Variants in CRYBG3 observed in about 807,000 individuals in gnomAD.
CRYBG3 encodes the protein crystallin beta-gamma domain containing 3.
Under a neutral mutation model 244.2 loss-of-function variants are expected in CRYBG3, and 127 were observed. That is an observed-to-expected ratio of 0.52 (90% CI 0.45 to 0.60). The LOEUF (loss-of-function observed/expected upper bound fraction) is 0.60, where lower values mean the gene tolerates loss of function less well. Among genes scored for constraint, CRYBG3 ranks in the 20% least tolerant of loss-of-function variants. CRYBG3 has a pLI of 0.00. For synonymous variants in CRYBG3, 1,132 were observed against 1,195.8 expected (o/e 0.95, Z 1.10); for missense variants, 3,325 against 3,442.5 (o/e 0.97, Z 0.85).
Position 97,872,952 on chromosome 3 carries a change from A to G in CRYBG3, c.1758A>G (p.Lys586=), listed in dbSNP as rs962321979. The part of the protein sequence containing the change: ...DKIPHIRMNK[K]DLASLNYISE... ...TTCCTCATATTAGAATGAATAAAAA[A>G]GACCTGGCCTCTTTAAATTACATCA... The change falls in exon 4 of 22, where the codon AAA becomes AAG. Residue 586 remains lysine (K), a synonymous_variant. Transcript: ENST00000389622. 23 of 1,530,910 alleles carry G rather than the reference A, an allele frequency of 1.5e-5. No individual in the cohort carries two copies. In the African/African-American group the frequency reaches 2.5e-4, roughly 16 times the overall value. 94.8% of individuals were successfully genotyped at this position (1,530,910 alleles called of 1,614,324 possible).
chr3:97,835,292 AG>A (rs1482205939), intron 1 of CRYBG3, among the ~76,000 whole-genome samples: 5 of 152,048 alleles, frequency 3.3e-5, no homozygotes, highest in African/African-American at 1.2e-4. Context: ...TATGCTTTGA[AG>A]TAAAAATAAA....
At chr3:97,824,772 T>C (rs2038556896) in intron 1 of CRYBG3, among the ~76,000 whole-genome samples, 1 of 152,176 alleles carries the variant, frequency 6.6e-6, no homozygotes, top group East Asian at 1.9e-4. Flanking sequence ...GAAATGCTTA[T>C]ATTAATTTAT....
rs376636714 is a variant in CRYBG3 at position 97,881,032 on chromosome 3, A to C, written c.7005-40A>C. 5 of 1,491,056 alleles carry C rather than the reference A, an allele frequency of 3.4e-6. No individual in the cohort carries two copies. The African/African-American group carries it at 7.1e-5, about 21-fold the overall frequency. The allele number at this position is 1,491,056 out of a possible 1,614,324, so 92.4% of individuals were successfully genotyped here. On this transcript the variant is annotated intron_variant, in intron 6 of 21. Coordinates refer to ENST00000389622, the MANE Select transcript of CRYBG3 (RefSeq NM_153605.4). ...TGACTTATATGCCTTATTTCTTAGA[A>C]AATTAAATATAACTCATCATTGCAT...
At chr3:97,936,755 A>G (rs1270500136) in intron 18 of CRYBG3, 30 bp from the exon 19 acceptor site, 5 of 1,606,090 alleles carry the variant, frequency 3.1e-6, no homozygotes, top group Non-Finnish European at 3.4e-6. Flanking sequence ...GTTTTGAAGT[A>G]CACTACTTTT....
At chr3:97,893,920 A>T (rs2039610160) in intron 11 of CRYBG3, among the ~76,000 whole-genome samples, 1 of 152,218 alleles carries the variant, frequency 6.6e-6, no homozygotes, top group South Asian at 2.1e-4. Flanking sequence ...TAATAGCCAT[A>T]CTAGTCACAA....
Position 97,880,022 on chromosome 3 carries a change from A to G in CRYBG3, c.6926A>G (p.Gln2309Arg), listed in dbSNP as rs2039426345. ...IYDLHESTYK[Q>R]EVYCNIPDAT... ...GATCTCCATGAAAGTACATATAAAC[A>G]AGAAGTCTACTGTAATATTCCTGAT... The change falls in exon 6 of 22, where the codon CAA becomes CGA. Residue 2309 changes from glutamine to arginine, a missense_variant. Around this residue, in one of 4 missense-constraint regions of CRYBG3, gnomAD observed 714 missense variants for 803.6 expected, o/e 0.89. Transcript: ENST00000389622. 6.3e-7 allele frequency: 1 copy of G among 1,597,876 alleles called. No homozygotes were observed. The highest frequency in any genetic ancestry group is 1.7e-5 in the Admixed American group (1 of 59,378).
In CRYBG3 at chr3:97,873,807, T is replaced by C; in HGVS notation, c.2613T>C (p.Ile871=). ...LKITHVPEKP[I]LSELTFLEVE... is the part of the protein sequence containing the mutation. ...TTACCCATGTTCCAGAAAAGCCTAT[T>C]TTGTCAGAATTAACCTTTCTAGAAG... The change falls in exon 4 of 22, where the codon ATT becomes ATC. Residue 871 remains isoleucine, a synonymous_variant. Transcript: ENST00000389622. 6.5e-7 allele frequency: 1 copy of C among 1,532,908 alleles called. No homozygotes were observed. Among genetic ancestry groups the C allele is most frequent in the Non-Finnish European group, 8.7e-7 (1 of 1,145,974 alleles). The allele number at this position is 1,532,908 out of a possible 1,614,324, so 95.0% of individuals were successfully genotyped here. A position where few individuals can be genotyped will look rare whatever the true frequency, so the allele number is the denominator to read the frequency against.
At chr3:97,834,625 G>A (rs2038705193) in intron 1 of CRYBG3, among the ~76,000 whole-genome samples, 1 of 152,106 alleles carries the variant, frequency 6.6e-6, no homozygotes, top group African/African-American at 2.4e-5. Context: ...AGCATTCACA[G>A]GATGGAAGGA....
intron 1 of CRYBG3, among the ~76,000 whole-genome samples, 184 bp downstream of exon 1, chr3:97,822,539 G>C (rs1576502438): frequency 6.6e-6 from 1 of 152,182 alleles, no homozygotes; most frequent in Non-Finnish European, 1.5e-5. Context: ...CGCACTACTC[G>C]CCTCTCCTCT....
At chr3:97,822,422 G>A in intron 1 of CRYBG3, 67 bp downstream of exon 1, 2 of 1,355,848 alleles carry the variant, frequency 1.5e-6, no homozygotes, top group Non-Finnish European at 1.9e-6. Flanking sequence ...CTCCCGGCCT[G>A]ACCGCCGGCA....
intron 1 of CRYBG3, among the ~76,000 whole-genome samples, chr3:97,826,452 G>A (rs1477308376): frequency 1.3e-5 from 2 of 152,142 alleles, no homozygotes; most frequent in African/African-American, 4.8e-5. Context: ...AAGGGTAATA[G>A]CAAGTTTTGT....
intron 6 of CRYBG3, 133 bp from the exon 7 acceptor site, chr3:97,880,939 A>G: frequency 1.7e-6 from 1 of 587,278 alleles, no homozygotes; most frequent in South Asian, 3.9e-5. Flanking sequence ...TTGTTTCAAA[A>G]AATAGGGTTA....
At chr3:97,880,921 A>G (rs1014145438) in intron 6 of CRYBG3, 151 bp from the exon 7 acceptor site, 15 of 532,778 alleles carry the variant, frequency 2.8e-5, no homozygotes, top group South Asian at 3.9e-5. Context: ...TTAAATTAGC[A>G]TATATCATTG....
Position 97,880,063 on chromosome 3 carries a change from T to C in CRYBG3, c.6967T>C (p.Phe2323Leu). 6.3e-7 allele frequency: 1 copy of C among 1,598,778 alleles called. No homozygotes were observed. Among genetic ancestry groups the C allele is most frequent in the East Asian group, 2.2e-5 (1 of 44,508 alleles). Residue 2323 changes from phenylalanine (F) to leucine (L), a missense_variant, in exon 6 of 22, where the codon TTT (phenylalanine) becomes CTT (leucine). By Grantham distance (22) the Phe-to-Leu change is conservative. Transcript: ENST00000389622. ...CNIPDATSWS[F>L]PNGVLIKVVR... is the part of the protein sequence containing the mutation. ...TATTCCTGATGCTACATCATGGTCT[T>C]TTCCAAATGGAGTTCTAATAAAAGT...
Position 97,943,576 on chromosome 3 carries a change from C to G in CRYBG3, c.*262C>G. On this transcript the variant is annotated 3_prime_UTR_variant, in exon 22 of 22. Coordinates refer to ENST00000389622, the MANE Select transcript of CRYBG3 (RefSeq NM_153605.4). ...ATTCCTGATCTCCAGCTGTGGTGAGCAAGTTTCCTGAAGTGTTTATTTTCT... is the reference window on the plus strand; with the variant it reads ...ATTCCTGATCTCCAGCTGTGGTGAGGAAGTTTCCTGAAGTGTTTATTTTCT... The G allele has an allele frequency of 2.5e-6, 1 of 400,798 alleles. No homozygotes were observed. The highest frequency in any genetic ancestry group is 5.7e-5 in the East Asian group (1 of 17,610). 24.8% of individuals were successfully genotyped at this position (400,798 alleles called of 1,614,324 possible).
chr3:97,888,651 T>G (rs1482341537), intron 9 of CRYBG3, among the ~76,000 whole-genome samples, 196 bp downstream of exon 9: 1 of 152,222 alleles, frequency 6.6e-6, no homozygotes, highest in Non-Finnish European at 1.5e-5. Context: ...AGTGGCAGAC[T>G]GTTCAATTAA....
chr3:97,847,656 A>T (rs1485188371), intron 2 of CRYBG3, among the ~76,000 whole-genome samples: 1 of 152,212 alleles, frequency 6.6e-6, no homozygotes, highest in Non-Finnish European at 1.5e-5. Context: ...CAGGTTATAG[A>T]TTCTCCAACC....
chr3:97,938,406 C>T (rs1339923687), intron 19 of CRYBG3, among the ~76,000 whole-genome samples: 2 of 152,042 alleles, frequency 1.3e-5, no homozygotes. Flanking sequence ...CTGAATATAG[C>T]CTAGTGGATC....
chr3:97,877,317 G>A lies in CRYBG3; in HGVS notation c.6123G>A (p.Arg2041=). 1 of 1,614,118 alleles carries A rather than the reference G, an allele frequency of 6.2e-7. No homozygotes were observed. The highest frequency in any genetic ancestry group is 1.1e-5 in the South Asian group (1 of 91,072). Residue 2041 remains arginine (R), a synonymous_variant, in exon 4 of 22, where the codon AGG becomes AGA. Coordinates refer to ENST00000389622, the MANE Select transcript of CRYBG3 (RefSeq NM_153605.4). ...ADSMPVLACE[R]SESRTDLVHH... is the part of the protein sequence containing the mutation. ...GCATGCCTGTTCTGGCATGTGAAAG[G>A]TCTGAGAGTAGAACTGACCTTGTCC...
Sources: gnomAD v4.1 joint callset for allele counts (sites outside exome capture counted in the v4.1 genomes callset) on GRCh38, gnomAD v4.1.1 for gene constraint, gnomAD v4.1.1 regional missense constraint, MANE v1.5 for transcripts, NCBI Gene and HGNC (gene_info 2026-07-23, HGNC 2026-07-21) for gene names.